The following MYO5B variants were observed in gnomAD, a reference collection of about 807,000 sequenced individuals.
MYO5B encodes unconventional myosin-Vb.
Under a neutral mutation model 229.3 loss-of-function variants are expected in MYO5B, and 143 were observed. The ratio of observed to expected loss-of-function variants is 0.62; its 90% CI spans 0.54 to 0.72. MYO5B has a LOEUF of 0.72. MYO5B is among the 30% of genes least tolerant of loss of function. The probability of loss-of-function intolerance (pLI) is 0.00; values close to 1 mark genes in which losing one functional copy is unlikely to be tolerated. For synonymous variants in MYO5B, 918 were observed against 885.2 expected (o/e 1.04, Z -0.66); for missense variants, 2,321 against 2,331.0 (o/e 1.00, Z 0.09).
intron 8 of MYO5B, among the ~76,000 whole-genome samples, chr18:49,981,804 A>G (rs2025818013): frequency 6.6e-6 from 1 of 152,174 alleles, no homozygotes; most frequent in African/African-American, 2.4e-5. Context: ...CCCCCAAAAA[A>G]CACCAAAGAA....
chr18:50,024,236 T>C (rs892806637), intron 4 of MYO5B, among the ~76,000 whole-genome samples: 1 of 152,192 alleles, frequency 6.6e-6, no homozygotes, highest in African/African-American at 2.4e-5. Context: ...ATCAATACCA[T>C]ACATTTAAAC....
chr18:50,118,530 TTTC>T (rs1486875037), intron 1 of MYO5B, among the ~76,000 whole-genome samples: 6 of 152,216 alleles, frequency 3.9e-5, no homozygotes, highest in Non-Finnish European at 8.8e-5. Context: ...TCAATTTGCA[TTTC>T]TTTTTTTATT....
At chr18:50,120,137 A>G (rs1206982575) in intron 1 of MYO5B, among the ~76,000 whole-genome samples, 3 of 152,274 alleles carry the variant, frequency 2.0e-5, no homozygotes, top group Non-Finnish European at 4.4e-5. Context: ...TATGATATAG[A>G]CAGAAGGAAC....
At chr18:49,936,419 A>G (rs2025250959) in intron 15 of MYO5B, 70 bp from the exon 16 acceptor site, 1 of 1,093,814 alleles carries the variant, frequency 9.1e-7, no homozygotes. Flanking sequence ...AAAAACTCAT[A>G]TATGGGTGGC....
chr18:50,043,357 A>AAATAT (rs1378189591), intron 2 of MYO5B, among the ~76,000 whole-genome samples: 7 of 82,252 alleles, frequency 8.5e-5, no homozygotes, highest in African/African-American at 3.3e-4. Flanking sequence ...TATATAATAT[A>AAATAT]AATATATTAT....
intron 16 of MYO5B, among the ~76,000 whole-genome samples, chr18:49,933,137 C>G (rs1269230659): frequency 6.6e-6 from 1 of 152,192 alleles, no homozygotes; most frequent in Non-Finnish European, 1.5e-5. Flanking sequence ...GCTGCAAGCT[C>G]CCTACCTGCT....
chr18:49,836,286 T>A (rs539328597), intron 38 of MYO5B, among the ~76,000 whole-genome samples: 13 of 152,228 alleles, frequency 8.5e-5, no homozygotes, highest in Non-Finnish European at 1.8e-4. Context: ...TATGACCATA[T>A]TGCAATTAGT....
rs541598234 is a variant in MYO5B, at chr18:50,152,176, C to G, written c.27+42591G>C. On this transcript the variant is annotated intron_variant, in intron 1 of 39. Transcript: ENST00000285039. ...CGTGAAAAGCACAGCCTACTGATCC[C>G]GAGTCCCAATGGTGCCTCCCCCACC... is the stretch of plus-strand genomic sequence containing the variant. Among the ~76,000 whole-genome samples, 12 of 152,316 alleles carry G rather than the reference C, an allele frequency of 7.9e-5. No homozygotes were observed. In the South Asian group the frequency reaches 1.2e-3, roughly 16 times the overall value.
chr18:49,845,182 G>A (rs1316948345), intron 33 of MYO5B, among the ~76,000 whole-genome samples: 1 of 152,128 alleles, frequency 6.6e-6, no homozygotes, highest in Non-Finnish European at 1.5e-5. Flanking sequence ...AGAGATGAAA[G>A]GTTTGTTCCT....
intron 1 of MYO5B, among the ~76,000 whole-genome samples, chr18:50,076,932 A>C (rs537391791): frequency 1.4e-3 from 176 of 123,016 alleles, no homozygotes; most frequent in African/African-American, 7.4e-3. Context: ...ATGTTGCAAA[A>C]AAAAAAAAAT....
chr18:49,934,180 T>A (rs1787325), intron 16 of MYO5B, among the ~76,000 whole-genome samples: 1 of 151,826 alleles, frequency 6.6e-6, no homozygotes, highest in African/African-American at 2.4e-5. Flanking sequence ...CAGGCCCTCA[T>A]CAGAATTAAC....
At chr18:50,157,217 T>C (rs2032694561) in intron 1 of MYO5B, among the ~76,000 whole-genome samples, 1 of 152,062 alleles carries the variant, frequency 6.6e-6, no homozygotes, top group African/African-American at 2.4e-5. Flanking sequence ...GTGATTCTCC[T>C]GCCTCAGCCT....
intron 1 of MYO5B, among the ~76,000 whole-genome samples, chr18:50,188,371 T>C (rs2033178022): frequency 6.6e-6 from 1 of 152,196 alleles, no homozygotes; most frequent in South Asian, 2.1e-4. Flanking sequence ...GCCTGTAACT[T>C]GTAGAGGAGT....
intron 5 of MYO5B, among the ~76,000 whole-genome samples, chr18:49,996,263 G>A (rs759419882): frequency 9.2e-5 from 14 of 152,034 alleles, no homozygotes; most frequent in East Asian, 1.9e-4. Context: ...AAGGAAAATC[G>A]GGTATATCTA....
chr18:50,023,355 A>G (rs1051005406), intron 4 of MYO5B, among the ~76,000 whole-genome samples: 2 of 152,164 alleles, frequency 1.3e-5, no homozygotes, highest in African/African-American at 4.8e-5. Context: ...TCACAAGGGT[A>G]TTATGCCAAA....
chr18:50,002,494 G>A (rs1458523356), intron 4 of MYO5B, among the ~76,000 whole-genome samples: 1 of 152,186 alleles, frequency 6.6e-6, no homozygotes, highest in East Asian at 1.9e-4. Flanking sequence ...CTGGTGGAAG[G>A]AGGGCCACGC....
intron 2 of MYO5B, among the ~76,000 whole-genome samples, chr18:50,053,891 C>A (rs1468226861): frequency 6.6e-6 from 1 of 152,200 alleles, no homozygotes; most frequent in African/African-American, 2.4e-5. Context: ...ATCTCCAACC[C>A]AAACCTTTTC....
intron 16 of MYO5B, among the ~76,000 whole-genome samples, chr18:49,934,089 C>T (rs760045095): frequency 3.3e-5 from 5 of 152,142 alleles, no homozygotes; most frequent in East Asian, 1.9e-4. Context: ...TTTCCCAGGC[C>T]GCTCTCAAAC....
At chr18:49,962,230 C>T (rs758544413) in intron 12 of MYO5B, 36 bp downstream of exon 12, 3 of 1,613,430 alleles carry the variant, frequency 1.9e-6, no homozygotes, top group Non-Finnish European at 2.5e-6. Context: ...CACATCCCTA[C>T]CCTAGAATTG....
Sources: gnomAD v4.1 joint callset for allele counts (sites outside exome capture counted in the v4.1 genomes callset) on GRCh38, gnomAD v4.1.1 for gene constraint, MANE v1.5 for transcripts, NCBI Gene and HGNC (gene_info 2026-07-23, HGNC 2026-07-21) for gene names.